EXOC4: variants seen among roughly 807,000 people sequenced by gnomAD.
The protein encoded by EXOC4 is SEC8-like 1.
A neutral mutation model predicts 107.2 loss-of-function variants in EXOC4; 71 were observed. That is an observed-to-expected ratio of 0.66 (90% CI 0.55 to 0.81). The LOEUF (loss-of-function observed/expected upper bound fraction) is 0.81. EXOC4 is among the 30% of genes least tolerant of loss of function. The pLI is 0.00. For missense variants in EXOC4, 1,108 were observed against 1,189.6 expected, an observed-to-expected ratio of 0.93 and a Z score of 1.01; for synonymous variants, 456 against 441.2, an observed-to-expected ratio of 1.03 and a Z score of -0.42.
At chr7:133,457,220 TGA>T (rs963605390) in intron 7 of EXOC4, among the ~76,000 whole-genome samples, 2 of 152,194 alleles carry the variant, frequency 1.3e-5, no homozygotes, top group Admixed American at 6.6e-5. Context: ...CTTAATTTTG[TGA>T]GACACAGGAG....
intron 10 of EXOC4, among the ~76,000 whole-genome samples, chr7:133,749,955 GTTTTTTTT>G (rs56902982): frequency 4.5e-4 from 28 of 62,100 alleles, no homozygotes; most frequent in African/African-American, 7.0e-4. Context: ...GTGGTTGGCA[GTTTTTTTT>G]TTTTTTTTTT....
At chr7:133,587,553 T>C (rs1002073126) in intron 9 of EXOC4, among the ~76,000 whole-genome samples, 33 of 152,208 alleles carry the variant, frequency 2.2e-4, no homozygotes, top group African/African-American at 8.0e-4. Flanking sequence ...ATTTGTCTTT[T>C]ATAAAAGGTG....
chr7:133,632,241 A>G (rs527248210), intron 10 of EXOC4, among the ~76,000 whole-genome samples: 1 of 152,262 alleles, frequency 6.6e-6, no homozygotes, highest in East Asian at 1.9e-4. Flanking sequence ...TAATACTCCC[A>G]GTGGTTTTAC....
rs1427298714 is a variant in EXOC4 at position 133,554,549 on chromosome 7, A to G, written c.1417+74411A>G. Among the ~76,000 whole-genome samples the G allele has an allele frequency of 3.3e-5, 5 of 152,114 alleles. No individual in the cohort carries two copies. In the East Asian group the frequency reaches 9.7e-4, roughly 29 times the overall value. On this transcript the variant is annotated intron_variant, in intron 9 of 17. Coordinates refer to ENST00000253861, the MANE Select transcript of EXOC4 (RefSeq NM_021807.4). ...ATGCCTTTTCTTTGACAAAATCACCATGAATCAGAATGGCAATCACAGGGC... is the reference window on the plus strand; with the variant it reads ...ATGCCTTTTCTTTGACAAAATCACCGTGAATCAGAATGGCAATCACAGGGC...
At chr7:133,276,909 C>T (rs1243021398) in intron 2 of EXOC4, among the ~76,000 whole-genome samples, 1 of 152,002 alleles carries the variant, frequency 6.6e-6, no homozygotes, top group African/African-American at 2.4e-5. Flanking sequence ...TCAGTATGCT[C>T]TTAACCTTTT....
At chr7:133,515,499 C>G (rs939973724) in intron 9 of EXOC4, among the ~76,000 whole-genome samples, 1 of 152,044 alleles carries the variant, frequency 6.6e-6, no homozygotes, top group Non-Finnish European at 1.5e-5. Context: ...GAGACTGTTT[C>G]ATTCTGTTAC....
At chr7:133,505,437 G>A (rs1053542548) in intron 9 of EXOC4, among the ~76,000 whole-genome samples, 1 of 151,888 alleles carries the variant, frequency 6.6e-6, no homozygotes, top group Non-Finnish European at 1.5e-5. Flanking sequence ...TATGATTTTT[G>A]CAGCCTCTAT....
intron 5 of EXOC4, among the ~76,000 whole-genome samples, chr7:133,323,009 CTCTG>C: frequency 6.6e-6 from 1 of 152,010 alleles, no homozygotes; most frequent in South Asian, 2.1e-4. Context: ...TGATTTGGCT[CTCTG>C]TCTGTTATTG....
intron 10 of EXOC4, among the ~76,000 whole-genome samples, chr7:133,812,077 G>T (rs756630643): frequency 2.0e-5 from 3 of 151,780 alleles, no homozygotes; most frequent in Non-Finnish European, 4.4e-5. Context: ...AATATTCCAA[G>T]TATTAACCTA....
chr7:133,364,117 C>G (rs553516480), intron 6 of EXOC4, among the ~76,000 whole-genome samples: 1 of 151,888 alleles, frequency 6.6e-6, no homozygotes, highest in African/African-American at 2.4e-5. Flanking sequence ...TGGGCACATA[C>G]GAAATGCCTA....
In EXOC4 at chr7:133,552,192, A is replaced by G. The variant is rs574714844; in HGVS notation, c.1417+72054A>G. 4.6e-5 allele frequency among the ~76,000 whole-genome samples: 7 copies of G among 152,306 alleles called. No individual in the cohort carries two copies. In the East Asian group the frequency reaches 1.4e-3, roughly 29 times the overall value. On this transcript the variant is annotated intron_variant, in intron 9 of 17. Coordinates refer to ENST00000253861, the MANE Select transcript of EXOC4 (RefSeq NM_021807.4). The stretch of plus-strand genomic sequence containing the variant: ...AACCTTTGATTTCAGAAACAGAGAA[A>G]GAAAAACATGGCTCAATTGAACCAT...
chr7:133,620,360 A>G (rs1466081182), intron 9 of EXOC4, among the ~76,000 whole-genome samples: 1 of 152,162 alleles, frequency 6.6e-6, no homozygotes, highest in Non-Finnish European at 1.5e-5. Flanking sequence ...CTTAAAAACA[A>G]AAAACCTAGC....
chr7:134,040,130 G>A (rs2116523166), intron 17 of EXOC4, among the ~76,000 whole-genome samples: 1 of 152,272 alleles, frequency 6.6e-6, no homozygotes, highest in African/African-American at 2.4e-5. Context: ...CACAGCTGAT[G>A]TTCATGTCTC....
intron 3 of EXOC4, among the ~76,000 whole-genome samples, chr7:133,301,073 A>C (rs1243501179): frequency 6.6e-6 from 1 of 152,210 alleles, no homozygotes; most frequent in Non-Finnish European, 1.5e-5. Context: ...ATCATTCCAC[A>C]TTCACTGGGA....
chr7:133,999,635 C>G (rs928797085), intron 15 of EXOC4, among the ~76,000 whole-genome samples: 1 of 152,050 alleles, frequency 6.6e-6, no homozygotes, highest in African/African-American at 2.4e-5. Context: ...ATGAAAAATA[C>G]CAAGTAATAT....
chr7:134,081,587 T>C, the EXOC4 span, among the ~76,000 whole-genome samples: 2 of 152,186 alleles, frequency 1.3e-5, no homozygotes, highest in Admixed American at 1.3e-4. Flanking sequence ...ACATAATAGA[T>C]GGTCAATAAA....
intron 9 of EXOC4, among the ~76,000 whole-genome samples, chr7:133,554,477 A>G (rs976001138): frequency 6.6e-6 from 1 of 152,184 alleles, no homozygotes; most frequent in Non-Finnish European, 1.5e-5. Flanking sequence ...CTGGGGCAGT[A>G]TCTGTACCTA....
At chr7:133,584,832 G>T (rs970909751) in intron 9 of EXOC4, among the ~76,000 whole-genome samples, 1 of 152,040 alleles carries the variant, frequency 6.6e-6, no homozygotes, top group African/African-American at 2.4e-5. Context: ...GCCCGTCTTG[G>T]CCTCCCGTGC....
rs150052781 is a variant in EXOC4 at position 133,342,892 on chromosome 7, T to A, written c.764-13438T>A. 3.9e-5 allele frequency among the ~76,000 whole-genome samples: 6 copies of A among 152,312 alleles called. No individual in the cohort carries two copies. In the East Asian group the frequency reaches 1.2e-3, roughly 29 times the overall value. On this transcript the variant is annotated intron_variant, in intron 5 of 17. Transcript: ENST00000253861. ...GTTGTGATTGATTGTTTTTTATTTG[T>A]GGTATCTATTTCTCTCAAGATTTTT...
Sources: allele counts gnomAD v4.1 joint callset (sites outside exome capture counted in the v4.1 genomes callset), GRCh38; gene constraint gnomAD v4.1.1; transcripts MANE v1.5; gene names NCBI Gene and HGNC (gene_info 2026-07-23, HGNC 2026-07-21).